The following SLC12A7 variants were observed in gnomAD, a reference collection of about 807,000 sequenced individuals.
SLC12A7 encodes K-Cl cotransporter 4.
A neutral mutation model predicts 120.6 loss-of-function variants in SLC12A7; 100 were observed. The observed-to-expected ratio is 0.83, with a 90% CI of 0.71 to 0.98. The LOEUF (loss-of-function observed/expected upper bound fraction) is 0.98. Ranked by LOEUF, SLC12A7 falls within the 50% of genes least tolerant of loss-of-function variation. The probability of loss-of-function intolerance (pLI) is 0.00; values close to 1 mark genes in which losing one functional copy is unlikely to be tolerated. For synonymous variants in SLC12A7, 760 were observed against 678.0 expected, an observed-to-expected ratio of 1.12 and a Z score of -1.88; for missense variants, 1,373 against 1,548.1, an observed-to-expected ratio of 0.89 and a Z score of 1.90.
At chr5:1,128,030 G>A in the SLC12A7 span, among the ~76,000 whole-genome samples, 1 of 152,194 alleles carries the variant, frequency 6.6e-6, no homozygotes, top group African/African-American at 2.4e-5. Context: ...CGTGATCTCT[G>A]GTTATTCCAG....
the SLC12A7 span, among the ~76,000 whole-genome samples, chr5:1,140,686 C>T: frequency 6.6e-6 from 1 of 152,254 alleles, no homozygotes; most frequent in Non-Finnish European, 1.5e-5. Context: ...GCTCTGCTCA[C>T]CAGGCAACGA....
intron 4 of SLC12A7, among the ~76,000 whole-genome samples, chr5:1,088,746 C>T (rs1336285721): frequency 3.3e-5 from 5 of 152,238 alleles, no homozygotes; most frequent in African/African-American, 1.2e-4. Flanking sequence ...CGCCAGTCAA[C>T]ACGCCAGCAC....
chr5:1,064,360 G>A (rs931811450), intron 18 of SLC12A7, 108 bp from the exon 19 acceptor site: 4 of 1,324,672 alleles, frequency 3.0e-6, no homozygotes, highest in Non-Finnish European at 4.0e-6. Flanking sequence ...GGCGAGGGGG[G>A]TCCCCACAAA....
the SLC12A7 span, among the ~76,000 whole-genome samples, chr5:1,130,556 G>A: frequency 6.9e-6 from 1 of 145,266 alleles, no homozygotes; most frequent in Non-Finnish European, 1.5e-5. Flanking sequence ...TGCCCGCGCA[G>A]GTCCCCTCAC....
chr5:1,148,436 A>G, the SLC12A7 span, among the ~76,000 whole-genome samples: 3 of 152,048 alleles, frequency 2.0e-5, no homozygotes, highest in East Asian at 5.8e-4. Context: ...CTATCTCCTG[A>G]CCTTGTGATC....
upstream of SLC12A7, among the ~76,000 whole-genome samples, chr5:1,115,028 A>G (rs75062372): frequency 4.6e-5 from 7 of 152,308 alleles, no homozygotes; most frequent in East Asian, 1.4e-3. Flanking sequence ...CAATCTCCCA[A>G]GTATATTTGT....
the SLC12A7 span, among the ~76,000 whole-genome samples, chr5:1,131,810 G>A: frequency 1.3e-5 from 2 of 152,222 alleles, no homozygotes; most frequent in African/African-American, 2.4e-5. Flanking sequence ...GGCTCAGTAA[G>A]CAAGGTGATC....
At chr5:1,150,284 CT>C in the SLC12A7 span, among the ~76,000 whole-genome samples, 1 of 145,518 alleles carries the variant, frequency 6.9e-6, no homozygotes, top group Non-Finnish European at 1.5e-5. Flanking sequence ...TCCTCTGCCC[CT>C]CCCCCGACCC....
At chr5:1,108,282 C>T (rs868385271) in intron 1 of SLC12A7, among the ~76,000 whole-genome samples, 1 of 152,246 alleles carries the variant, frequency 6.6e-6, no homozygotes, top group Non-Finnish European at 1.5e-5. Flanking sequence ...GGGAGTATGT[C>T]AGGCGCAGGA....
chr5:1,108,837 T>C (rs1043864035), intron 1 of SLC12A7, among the ~76,000 whole-genome samples: 9 of 152,098 alleles, frequency 5.9e-5, no homozygotes, highest in African/African-American at 1.9e-4. Context: ...CGGTAGGTAG[T>C]TGGAGCAGGA....
At chr5:1,080,989 GAGAGAGAC>G (rs1739001114) in intron 9 of SLC12A7, among the ~76,000 whole-genome samples, 1 of 126,312 alleles carries the variant, frequency 7.9e-6, no homozygotes, top group Admixed American at 7.6e-5. Context: ...ACACTACAGA[GAGAGAGAC>G]AGAGAGAGAG....
chr5:1,149,791 G>A, the SLC12A7 span, among the ~76,000 whole-genome samples: 3 of 152,050 alleles, frequency 2.0e-5, no homozygotes, highest in Non-Finnish European at 1.5e-5. Context: ...CACTTTGGGA[G>A]GCCAAGGTGG....
the SLC12A7 span, among the ~76,000 whole-genome samples, chr5:1,131,120 C>T: frequency 1.3e-5 from 2 of 152,164 alleles, no homozygotes; most frequent in African/African-American, 2.4e-5. Context: ...GAGCTCAGCG[C>T]CTGTATTCGC....
intron 8 of SLC12A7, among the ~76,000 whole-genome samples, chr5:1,083,252 G>C (rs973959584): frequency 4.0e-5 from 6 of 151,782 alleles, no homozygotes; most frequent in African/African-American, 1.2e-4. Flanking sequence ...TCCTGTCTTG[G>C]GTTCTGGAAA....
intron 1 of SLC12A7, 133 bp from the exon 2 acceptor site, chr5:1,094,381 A>G: frequency 1.5e-6 from 1 of 689,532 alleles, no homozygotes; most frequent in South Asian, 1.6e-5. Context: ...TAAGGGTGAT[A>G]CTTCTCACAC....
intron 8 of SLC12A7, among the ~76,000 whole-genome samples, chr5:1,082,679 AG>A (rs1739317471): frequency 9.8e-6 from 1 of 102,478 alleles, no homozygotes; most frequent in African/African-American, 3.8e-5. Flanking sequence ...CTTCCTCTCT[AG>A]GGTTCTGGAA....
intron 8 of SLC12A7, among the ~76,000 whole-genome samples, chr5:1,082,693 T>C (rs1462840512): frequency 6.4e-4 from 88 of 137,800 alleles, no homozygotes; most frequent in Non-Finnish European, 1.0e-3. Context: ...TTCTGGAAAG[T>C]CCGGGCTTCC....
Position 1,074,691 on chromosome 5 carries a change from G to C in SLC12A7, c.1968-20C>G. On this transcript the variant is annotated intron_variant, in intron 15 of 23. Transcript: ENST00000264930. ...TCGGCCCTGTGGGAAAGGAAGTCGG[G>C]GTTTGTCCAGCCGCGTACCTGGAGG... 1 of 1,609,874 alleles carries C rather than the reference G, an allele frequency of 6.2e-7. No individual in the cohort carries two copies. Among genetic ancestry groups the C allele is most frequent in the African/African-American group, 1.3e-5 (1 of 75,002 alleles).
Position 1,081,692 on chromosome 5 carries a change from A to G in SLC12A7, c.1182T>C (p.Gly394=), listed in dbSNP as rs1461826796. 6.2e-7 allele frequency: 1 copy of G among 1,613,048 alleles called. No homozygotes were observed. Residue 394 remains glycine, a synonymous_variant, in exon 9 of 24, where the codon GGT becomes GGC. Transcript: ENST00000264930. ...AHAGAFVEKK[G]VPSVPVAEES... ...CCTCTGCCACGGGCACCGAGGGCACACCTTTCTTCTCCACAAACGCCCCCG... is the reference window on the plus strand; with the variant it reads ...CCTCTGCCACGGGCACCGAGGGCACGCCTTTCTTCTCCACAAACGCCCCCG...
Sources: allele counts gnomAD v4.1 joint callset (sites outside exome capture counted in the v4.1 genomes callset), GRCh38; gene constraint gnomAD v4.1.1; transcripts MANE v1.5; gene names NCBI Gene and HGNC (gene_info 2026-07-23, HGNC 2026-07-21).